The following UBE2E2 variants were observed in gnomAD, a reference collection of about 807,000 sequenced individuals.
UBE2E2 encodes ubiquitin-conjugating enzyme E2 E2.
UBE2E2 carries 6 observed loss-of-function variants against 24.7 expected under a neutral mutation model. The ratio of observed to expected loss-of-function variants is 0.24; its 90% CI spans 0.13 to 0.48. The LOEUF is 0.48. Ranked by LOEUF, UBE2E2 falls within the 20% of genes least tolerant of loss-of-function variation. UBE2E2 has a pLI of 0.99. For synonymous variants in UBE2E2, 104 were observed against 83.6 expected (o/e 1.24, Z -1.33); for missense variants, 169 against 245.0 (o/e 0.69, Z 2.07).
chr3:23,261,846 C>T (rs569024830), intron 3 of UBE2E2, among the ~76,000 whole-genome samples: 2 of 152,112 alleles, frequency 1.3e-5, no homozygotes, highest in African/African-American at 4.8e-5. Context: ...GATATATACA[C>T]ACACTGAATT....
chr3:23,360,551 A>G (rs1184844846), intron 3 of UBE2E2, among the ~76,000 whole-genome samples: 1 of 152,224 alleles, frequency 6.6e-6, no homozygotes. Context: ...AGAAGAGATA[A>G]TAATGAAATC....
At chr3:23,251,314 A>T (rs376510197) in intron 3 of UBE2E2, among the ~76,000 whole-genome samples, 1 of 152,164 alleles carries the variant, frequency 6.6e-6, no homozygotes, top group East Asian at 1.9e-4. Flanking sequence ...CCTCAAAAAG[A>T]TGAAGAACCG....
intron 3 of UBE2E2, among the ~76,000 whole-genome samples, chr3:23,222,809 T>C (rs977925236): frequency 1.3e-5 from 2 of 151,258 alleles, no homozygotes; most frequent in African/African-American, 4.8e-5. Flanking sequence ...TTCTCCATAG[T>C]GGCTGTACTA....
chr3:23,566,944 C>G (rs1249608098), intron 5 of UBE2E2, among the ~76,000 whole-genome samples: 1 of 152,194 alleles, frequency 6.6e-6, no homozygotes, highest in Non-Finnish European at 1.5e-5. Flanking sequence ...GACTTAGTTT[C>G]CTTACCACTA....
intron 3 of UBE2E2, among the ~76,000 whole-genome samples, chr3:23,462,321 A>G (rs952281477): frequency 1.3e-5 from 2 of 152,168 alleles, no homozygotes; most frequent in African/African-American, 4.8e-5. Context: ...CTACCAAGAC[A>G]ATTGAGGAGT....
In UBE2E2 at chr3:23,521,336, A is replaced by G. The variant is rs187428643; in HGVS notation, c.361-11218A>G. 6.4e-4 allele frequency among the ~76,000 whole-genome samples: 98 copies of G among 152,352 alleles called. 5 individuals are homozygous for G. The East Asian group carries it at 0.015, about 24-fold the overall frequency. ...GTTAAACAGCAAGTGTGATATGGTC[A>G]GTCATTTATTACATGCTTTACATGG... On this transcript the variant is annotated intron_variant, in intron 4 of 5. Coordinates refer to ENST00000396703, the MANE Select transcript of UBE2E2 (RefSeq NM_152653.4).
Position 23,562,821 on chromosome 3 carries a change from T to A in UBE2E2, c.509-26913T>A, listed in dbSNP as rs529226602. 2.3e-3 allele frequency among the ~76,000 whole-genome samples: 348 copies of A among 152,358 alleles called. 2 individuals carry two copies. Among genetic ancestry groups the A allele is most frequent in the African/African-American group, 8.0e-3 (333 of 41,580 alleles). ...GGGAGGGTGTAAGTGTCCAGGAATT[T>A]ATCCATTTCTTCTAGATTTTCTAGT... On this transcript the variant is annotated intron_variant, in intron 5 of 5. Coordinates refer to ENST00000396703, the MANE Select transcript of UBE2E2 (RefSeq NM_152653.4).
intron 3 of UBE2E2, among the ~76,000 whole-genome samples, chr3:23,376,001 G>A (rs1457488956): frequency 1.3e-5 from 2 of 152,130 alleles, no homozygotes; most frequent in Non-Finnish European, 2.9e-5. Context: ...ATAATGTTTG[G>A]TAAATCATGA....
intron 3 of UBE2E2, among the ~76,000 whole-genome samples, chr3:23,260,833 T>C (rs1559460576): frequency 6.6e-6 from 1 of 152,122 alleles, no homozygotes; most frequent in African/African-American, 2.4e-5. Context: ...CTGGGCGTGA[T>C]GGTGGCTCAT....
intron 3 of UBE2E2, chr3:23,271,174 G>C (rs1157744284): frequency 2.5e-6 from 1 of 407,554 alleles, no homozygotes; most frequent in Non-Finnish European, 4.8e-6. Flanking sequence ...GTCTGGAATT[G>C]GTGGGTTCTT....
At chr3:23,418,169 C>T (rs1697690728) in intron 3 of UBE2E2, among the ~76,000 whole-genome samples, 1 of 152,092 alleles carries the variant, frequency 6.6e-6, no homozygotes. Context: ...GTACTTGAAA[C>T]CCACGGCCCT....
intron 3 of UBE2E2, among the ~76,000 whole-genome samples, chr3:23,287,769 C>G (rs1259803243): frequency 7.3e-6 from 1 of 137,272 alleles, no homozygotes; most frequent in Non-Finnish European, 1.7e-5. Context: ...TGTAATGTCT[C>G]TCTCTTTTTT....
intron 3 of UBE2E2, among the ~76,000 whole-genome samples, chr3:23,441,341 A>G (rs929970754): frequency 1.4e-5 from 2 of 145,760 alleles, no homozygotes; most frequent in Non-Finnish European, 3.0e-5. Flanking sequence ...TGGCTAACAC[A>G]GTGAAACCAC....
intron 3 of UBE2E2, among the ~76,000 whole-genome samples, chr3:23,379,608 T>A (rs1575595217): frequency 6.6e-6 from 1 of 151,456 alleles, no homozygotes. Context: ...TATTCCATGG[T>A]GTATATGTGC....
intron 3 of UBE2E2, among the ~76,000 whole-genome samples, chr3:23,318,004 GC>G (rs1308624131): frequency 1.3e-5 from 2 of 151,910 alleles, no homozygotes; most frequent in Non-Finnish European, 2.9e-5. Context: ...AATCAGTGGA[GC>G]TTCTATTTGG....
At chr3:23,415,963 C>T (rs1697619455) in intron 3 of UBE2E2, among the ~76,000 whole-genome samples, 1 of 151,894 alleles carries the variant, frequency 6.6e-6, no homozygotes, top group African/African-American at 2.4e-5. Context: ...TCTCATTGTT[C>T]AACTCCCACT....
At chr3:23,580,776 T>C (rs78805329) in intron 5 of UBE2E2, among the ~76,000 whole-genome samples, 288 of 152,230 alleles carry the variant, frequency 1.9e-3, no homozygotes, top group African/African-American at 6.1e-3. Flanking sequence ...GGTAAAAAAG[T>C]AGAAAAGGTT....
intron 3 of UBE2E2, among the ~76,000 whole-genome samples, chr3:23,305,795 T>C (rs1699222613): frequency 6.6e-6 from 1 of 152,176 alleles, no homozygotes; most frequent in Non-Finnish European, 1.5e-5. Flanking sequence ...AGTGGTATAA[T>C]CACAGCTTAC....
chr3:23,589,661 T>C lies in UBE2E2; in HGVS notation c.509-73T>C. ...TTCTCATCTCCTACCCTCCCACTCC[T>C]TGCCAGCTTTCTGAACACTTCTTCC... is the stretch of plus-strand genomic sequence containing the variant. On this transcript the variant is annotated intron_variant, in intron 5 of 5. Coordinates refer to ENST00000396703, the MANE Select transcript of UBE2E2 (RefSeq NM_152653.4). This position sits in a 1 kb window ranked among gnomAD's most constrained non-coding sequence, Gnocchi z 4.1. 6.5e-7 allele frequency: 1 copy of C among 1,528,992 alleles called. No homozygotes were observed. Among genetic ancestry groups the C allele is most frequent in the Non-Finnish European group, 9.0e-7 (1 of 1,108,360 alleles). 94.7% of individuals were successfully genotyped at this position (1,528,992 alleles called of 1,614,324 possible). A position where few individuals can be genotyped will look rare whatever the true frequency, so the allele number is the denominator to read the frequency against.
Sources: allele counts gnomAD v4.1 joint callset (sites outside exome capture counted in the v4.1 genomes callset), GRCh38; gene constraint gnomAD v4.1.1; non-coding constraint Gnocchi (gnomAD v3.1); transcripts MANE v1.5; gene names NCBI Gene and HGNC (gene_info 2026-07-23, HGNC 2026-07-21).